TMPRSS11E: variants seen among roughly 807,000 people sequenced by gnomAD.
TMPRSS11E encodes the protein transmembrane serine protease 11E.
TMPRSS11E carries 38 observed loss-of-function variants against 48.1 expected under a neutral mutation model. The ratio of observed to expected loss-of-function variants is 0.79; its 90% confidence interval spans 0.61 to 1.04. The LOEUF is 1.04. Ranked by LOEUF, TMPRSS11E falls within the 50% of genes least tolerant of loss-of-function variation. The pLI, the probability that TMPRSS11E is intolerant of heterozygous loss-of-function variation, is 0.00. For synonymous variants in TMPRSS11E, 158 were observed against 171.9 expected (o/e 0.92, Z 0.63); for missense variants, 530 against 510.8 (o/e 1.04, Z -0.36).
At chr4:68,485,016 G>T (rs528460640) in intron 9 of TMPRSS11E, among the ~76,000 whole-genome samples, 5 of 152,292 alleles carry the variant, frequency 3.3e-5, no homozygotes, top group African/African-American at 1.2e-4. Context: ...GCACATCCTT[G>T]TCTTTTCTGG....
chr4:68,482,590 C>CA lies in TMPRSS11E; in HGVS notation c.1110+3631dup, dbSNP rs371144994. On this transcript the variant is annotated intron_variant, in intron 9 of 9. Transcript: ENST00000305363. ...GTAATGTGGCAAAACTGCATCTCCA[C>CA]AAAAAAAAAAAAAAAAAAAAAAAAA... Among the ~76,000 whole-genome samples the CA allele has an allele frequency of 4.2e-3, 442 of 105,844 alleles. 18 individuals carry two copies. Among genetic ancestry groups the CA allele is most frequent in the Admixed American group, 0.017 (160 of 9,324 alleles). The allele number at this position is 105,844 out of a possible 152,430, so 69.4% of individuals were successfully genotyped here.
chr4:68,474,969 G>A (rs949415281), intron 6 of TMPRSS11E, among the ~76,000 whole-genome samples: 4 of 152,126 alleles, frequency 2.6e-5, no homozygotes, highest in Non-Finnish European at 5.9e-5. Flanking sequence ...TGGAGTGGAT[G>A]TATGGGTGCC....
chr4:68,449,678 C>T (rs1402677415), intron 1 of TMPRSS11E, among the ~76,000 whole-genome samples: 1 of 151,712 alleles, frequency 6.6e-6, no homozygotes, highest in African/African-American at 2.4e-5. Flanking sequence ...CAATGTAATT[C>T]TTATTTACCC....
rs138883861 is a variant in TMPRSS11E at position 68,476,303 on chromosome 4, G to A, written c.572G>A (p.Arg191Lys). The A allele has an allele frequency of 4.8e-3, 7,820 of 1,614,182 alleles. 192 individuals are homozygous for A. In the East Asian group the frequency reaches 0.053, roughly 11 times the overall value. The part of the protein sequence containing the change: ...RRSKTLGQSL[R>K]IVGGTEVEEG... ...AGTAAAACTCTAGGTCAGAGTCTCA[G>A]GATCGTTGGTGGGACAGAAGTAGAA... The change falls in exon 7 of 10, where the codon AGG becomes AAG. Residue 191 changes from arginine to lysine, a missense_variant. Transcript: ENST00000305363.
chr4:68,487,814 G>C (rs970536431), intron 9 of TMPRSS11E, among the ~76,000 whole-genome samples: 1 of 151,742 alleles, frequency 6.6e-6, no homozygotes, highest in African/African-American at 2.4e-5. Flanking sequence ...GCTAATGGGC[G>C]CCTGTAATCC....
At chr4:68,465,337 C>T (rs557344271) in intron 2 of TMPRSS11E, among the ~76,000 whole-genome samples, 13 of 152,198 alleles carry the variant, frequency 8.5e-5, no homozygotes, top group Non-Finnish European at 1.5e-4. Flanking sequence ...CTCTCTGTCC[C>T]ATCAAATCCT....
chr4:68,455,663 C>T (rs1333412857), intron 1 of TMPRSS11E, among the ~76,000 whole-genome samples: 2 of 151,908 alleles, frequency 1.3e-5, no homozygotes, highest in Non-Finnish European at 1.5e-5. Context: ...TCAGGTTTCT[C>T]AATCATTTTT....
chr4:68,471,562 T>A lies in TMPRSS11E; in HGVS notation c.429T>A (p.His143Gln). 1 of 1,611,462 alleles carries A rather than the reference T, an allele frequency of 6.2e-7. No individual in the cohort carries two copies. The highest frequency in any genetic ancestry group is 1.1e-5 in the South Asian group (1 of 90,760). Residue 143 changes from histidine (H) to glutamine (Q), a missense_variant, in exon 5 of 10, where the codon CAT (histidine) becomes CAA (glutamine). By Grantham distance (24) the His-to-Gln change is conservative (BLOSUM62 0). Transcript: ENST00000305363. The part of the protein sequence containing the change: ...TVDKIVQLVL[H>Q]EKLQDAVGPP... ...ATAAAATTGTTCAACTTGTTTTACATGAAAAGCTGCAAGATGCTGTAGGAC... is the reference window on the plus strand; with the variant it reads ...ATAAAATTGTTCAACTTGTTTTACAAGAAAAGCTGCAAGATGCTGTAGGAC...
At position 68,477,553 on chromosome 4, in the gene TMPRSS11E, C is replaced by A; in HGVS notation, c.892C>A (p.Leu298Ile). 6.2e-7 allele frequency: 1 copy of A among 1,614,084 alleles called. No homozygotes were observed. Among genetic ancestry groups the A allele is most frequent in the Non-Finnish European group, 8.5e-7 (1 of 1,179,956 alleles). The change falls in exon 8 of 10, where the codon CTC (leucine) becomes ATC (isoleucine). Residue 298 changes from leucine (L) to isoleucine (I), a missense_variant. By Grantham distance (5) the Leu-to-Ile change is conservative (BLOSUM62 2). Transcript: ENST00000305363. ...CACAAATGCAGTACATAGAGTTTGTCTCCCTGATGCATCCTATGAGTTTCA... is the reference window on the plus strand; with the variant it reads ...CACAAATGCAGTACATAGAGTTTGTATCCCTGATGCATCCTATGAGTTTCA... ...PYTNAVHRVC[L>I]PDASYEFQPG...
At chr4:68,456,137 A>C (rs1728622196) in intron 1 of TMPRSS11E, among the ~76,000 whole-genome samples, 1 of 151,978 alleles carries the variant, frequency 6.6e-6, no homozygotes, top group South Asian at 2.1e-4. Flanking sequence ...AGTTGCCACT[A>C]ATATTTATGT....
intron 9 of TMPRSS11E, among the ~76,000 whole-genome samples, chr4:68,484,710 A>G (rs1279101135): frequency 1.3e-5 from 2 of 152,108 alleles, no homozygotes; most frequent in East Asian, 1.9e-4. Context: ...TCTTGTGGCA[A>G]TTGTGAATGA....
In TMPRSS11E at chr4:68,487,994, C is replaced by G. The variant is rs367577240; in HGVS notation, c.1111-8649C>G. ...TGCTGGCTGAGTATAGGTCCCCAAT[C>G]TCTTTTGGCTTATAAGGTTTCTGCT... On this transcript the variant is annotated intron_variant, in intron 9 of 9. Transcript: ENST00000305363. Among the ~76,000 whole-genome samples the G allele has an allele frequency of 4.1e-5, 6 of 147,772 alleles. No individual in the cohort carries two copies. The East Asian group carries it at 1.2e-3, about 31-fold the overall frequency.
intron 8 of TMPRSS11E, 57 bp from the exon 9 acceptor site, chr4:68,478,792 T>C: frequency 8.8e-6 from 14 of 1,583,624 alleles, no homozygotes; most frequent in Non-Finnish European, 1.2e-5. Flanking sequence ...AAACATTTTC[T>C]TCAAGTTTAT....
chr4:68,466,562 C>G, intron 2 of TMPRSS11E, 69 bp from the exon 3 acceptor site: 1 of 1,542,650 alleles, frequency 6.5e-7, no homozygotes, highest in Non-Finnish European at 8.8e-7. Flanking sequence ...AACCACCAAG[C>G]GGGGATATAA....
Position 68,469,091 on chromosome 4 carries a change from G to A in TMPRSS11E, c.326+145G>A, listed in dbSNP as rs139049632. The A allele has an allele frequency of 9.3e-4, 683 of 732,570 alleles. 6 individuals carry two copies. The African/African-American group carries it at 0.011, about 12-fold the overall frequency. 45.4% of individuals were successfully genotyped at this position (732,570 alleles called of 1,614,324 possible). ...TCCTGTGTAAGTCATGGGTTACAAA[G>A]TCCCTTATTCATTCCTTAAATCCCA... is the stretch of plus-strand genomic sequence containing the variant. On this transcript the variant is annotated intron_variant, in intron 4 of 9. Coordinates refer to ENST00000305363, the MANE Select transcript of TMPRSS11E (RefSeq NM_014058.4).
chr4:68,467,352 T>G (rs1480618212), intron 3 of TMPRSS11E, among the ~76,000 whole-genome samples: 1 of 152,130 alleles, frequency 6.6e-6, no homozygotes, highest in Non-Finnish European at 1.5e-5. Context: ...CTTAAGAAAC[T>G]GGAAAAATTA....
chr4:68,486,828 A>G (rs1048846870), intron 9 of TMPRSS11E, among the ~76,000 whole-genome samples: 1 of 152,230 alleles, frequency 6.6e-6, no homozygotes, highest in African/African-American at 2.4e-5. Flanking sequence ...ATGCATATAC[A>G]TTTAGATAGT....
At chr4:68,447,624 T>G in intron 1 of TMPRSS11E, 101 bp downstream of exon 1, 2 of 892,886 alleles carry the variant, frequency 2.2e-6, no homozygotes, top group East Asian at 5.4e-5. Context: ...AGTTTATTAT[T>G]TTTTTAAATA....
chr4:68,461,464 A>G (rs1488893494), intron 1 of TMPRSS11E, among the ~76,000 whole-genome samples: 3 of 152,222 alleles, frequency 2.0e-5, no homozygotes, highest in Non-Finnish European at 2.9e-5. Flanking sequence ...TGGCTGGCTC[A>G]ACAAGTGATA....
Sources: gnomAD v4.1 joint callset for allele counts (sites outside exome capture counted in the v4.1 genomes callset) on GRCh38, gnomAD v4.1.1 for gene constraint, MANE v1.5 for transcripts, NCBI Gene and HGNC (gene_info 2026-07-23, HGNC 2026-07-21) for gene names.